The following XPA variants were observed in gnomAD, a reference collection of about 807,000 sequenced individuals.
XPA encodes DNA repair protein complementing XP-A cells.
XPA carries 27 observed loss-of-function variants against 35.7 expected under a neutral mutation model. The observed-to-expected ratio is 0.76, with a 90% CI of 0.56 to 1.04. The LOEUF (loss-of-function observed/expected upper bound fraction) is 1.04, where lower values mean the gene tolerates loss of function less well. XPA is among the 50% of genes least tolerant of loss of function. The pLI, the probability that XPA is intolerant of heterozygous loss-of-function variation, is 0.00. For missense variants in XPA, 354 were observed against 342.7 expected (o/e 1.03, Z -0.26); for synonymous variants, 133 against 118.4 (o/e 1.12, Z -0.80).
chr9:97,693,527 T>A lies in XPA; in HGVS notation c.283+122A>T, dbSNP rs1399766637. The A allele has an allele frequency of 4.6e-6, 4 of 870,764 alleles. No homozygotes were observed. The Admixed American group carries it at 9.6e-5, about 21-fold the overall frequency. The allele number at this position is 870,764 out of a possible 1,614,324, so 53.9% of individuals were successfully genotyped here. ...AAACTGCCAAACTTTATCACTTTTA[T>A]AAAGATAATGTACTCACTGATTAAA... On this transcript the variant is annotated intron_variant, in intron 2 of 5. Transcript: ENST00000375128.
intron 5 of XPA, among the ~76,000 whole-genome samples, chr9:97,677,789 C>G (rs1828413928): frequency 6.6e-6 from 1 of 151,400 alleles, no homozygotes; most frequent in South Asian, 2.1e-4. Context: ...CTGAACAATC[C>G]AGTCCTATGG....
chr9:97,657,877 C>T, the XPA span, among the ~76,000 whole-genome samples: 1 of 141,150 alleles, frequency 7.1e-6, no homozygotes, highest in Non-Finnish European at 1.5e-5. Flanking sequence ...CATGAGGAGC[C>T]CCGGTAAGCT....
At chr9:97,685,229 C>A (rs1236258810) in intron 4 of XPA, among the ~76,000 whole-genome samples, 189 bp from the exon 5 acceptor site, 1 of 152,098 alleles carries the variant, frequency 6.6e-6, no homozygotes, top group Non-Finnish European at 1.5e-5. Flanking sequence ...TCTATCTAAA[C>A]CTATGAAACT....
At chr9:97,662,366 A>G in the XPA span, among the ~76,000 whole-genome samples, 4 of 152,172 alleles carry the variant, frequency 2.6e-5, no homozygotes, top group African/African-American at 9.7e-5. Flanking sequence ...TTTTTTTCAT[A>G]TAGACATTTA....
At chr9:97,687,006 ACT>A (rs1828737624) in intron 4 of XPA, 88 bp downstream of exon 4, 10 of 1,342,310 alleles carry the variant, frequency 7.4e-6, no homozygotes, top group South Asian at 2.7e-5. Flanking sequence ...GTTTTTCCAC[ACT>A]CTGTAAGCAA....
chr9:97,676,782 C>G (rs1828379570), intron 5 of XPA, among the ~76,000 whole-genome samples: 1 of 152,154 alleles, frequency 6.6e-6, no homozygotes, highest in South Asian at 2.1e-4. Context: ...ATGGATACCT[C>G]TAGCATGAAA....
the XPA span, chr9:97,668,815 T>G: frequency 5.0e-6 from 8 of 1,604,394 alleles, no homozygotes; most frequent in Non-Finnish European, 6.8e-6. Flanking sequence ...ATCTAAATGG[T>G]ATTTTCCTTT....
At chr9:97,689,717 C>T (rs1351971726) in intron 2 of XPA, 78 bp from the exon 3 acceptor site, 1 of 817,292 alleles carries the variant, frequency 1.2e-6, no homozygotes, top group African/African-American at 1.7e-5. Flanking sequence ...ATTAGCTTAT[C>T]AGCATGTATG....
the XPA span, chr9:97,662,194 G>A: frequency 2.3e-6 from 3 of 1,316,520 alleles, no homozygotes; most frequent in Non-Finnish European, 2.2e-6. Flanking sequence ...TTTGCTTGGT[G>A]AACACCAGTG....
At chr9:97,680,499 T>G (rs1040419419) in intron 5 of XPA, among the ~76,000 whole-genome samples, 7 of 152,168 alleles carry the variant, frequency 4.6e-5, no homozygotes, top group African/African-American at 1.7e-4. Context: ...GTGTTGGGAT[T>G]ACAGGCATAA....
At chr9:97,666,764 T>C in the XPA span, 3 of 1,582,692 alleles carry the variant, frequency 1.9e-6, no homozygotes, top group Non-Finnish European at 2.6e-6. Flanking sequence ...TTCTTTAAGA[T>C]TGTTTGTTTG....
At chr9:97,661,283 C>T in the XPA span, among the ~76,000 whole-genome samples, 2 of 152,100 alleles carry the variant, frequency 1.3e-5, no homozygotes, top group African/African-American at 2.4e-5. Context: ...TAAACTTCAT[C>T]GTAAATACAA....
chr9:97,689,687 A>G, intron 2 of XPA, 48 bp from the exon 3 acceptor site: 1 of 1,116,646 alleles, frequency 9.0e-7, no homozygotes, highest in Non-Finnish European at 1.3e-6. Flanking sequence ...TGACTAGAAC[A>G]ATATATTTTC....
the XPA span, chr9:97,662,923 T>C: frequency 6.1e-6 from 9 of 1,466,262 alleles, no homozygotes; most frequent in Non-Finnish European, 8.5e-6. Context: ...AATAAGTATA[T>C]ATGGTATTTT....
intron 4 of XPA, among the ~76,000 whole-genome samples, chr9:97,686,042 T>C (rs959575653): frequency 2.5e-4 from 38 of 152,344 alleles, no homozygotes; most frequent in African/African-American, 9.1e-4. Flanking sequence ...TTTAAAAATA[T>C]TTAATGGTAC....
chr9:97,669,577 T>A, the XPA span: 116 of 1,557,016 alleles, frequency 7.5e-5, no homozygotes, highest in Middle Eastern at 1.0e-3. Flanking sequence ...TACCTTAACT[T>A]CTTCTCCCTT....
intron 5 of XPA, 51 bp from the exon 6 acceptor site, chr9:97,675,638 T>C (rs1049996716): frequency 6.2e-7 from 1 of 1,610,440 alleles, no homozygotes; most frequent in Non-Finnish European, 8.5e-7. Context: ...TTCAGGTGAA[T>C]CCAAAAATCC....
intron 1 of XPA, among the ~76,000 whole-genome samples, chr9:97,695,936 C>G (rs1829029648): frequency 1.3e-5 from 2 of 152,176 alleles, no homozygotes; most frequent in African/African-American, 4.8e-5. Flanking sequence ...TGCTATTTTG[C>G]ACCTTCCGTT....
the XPA span, among the ~76,000 whole-genome samples, chr9:97,666,225 G>A: frequency 6.6e-6 from 1 of 152,176 alleles, no homozygotes; most frequent in Non-Finnish European, 1.5e-5. Context: ...GTATTTGCTA[G>A]TAAGAAAGCT....
Sources: gnomAD v4.1 joint callset for allele counts (sites outside exome capture counted in the v4.1 genomes callset) on GRCh38, gnomAD v4.1.1 for gene constraint, MANE v1.5 for transcripts, NCBI Gene and HGNC (gene_info 2026-07-23, HGNC 2026-07-21) for gene names.